NDRG2: variants seen among roughly 807,000 people sequenced by gnomAD.
The protein encoded by NDRG2 is NDRG family member 2.
A neutral mutation model predicts 58.2 loss-of-function variants in NDRG2; 34 were observed. The observed-to-expected ratio is 0.58, with a 90% CI of 0.44 to 0.78. The LOEUF is 0.78. NDRG2 is among the 30% of genes least tolerant of loss of function. The pLI, the probability that NDRG2 is intolerant of heterozygous loss-of-function variation, is 0.00. For synonymous variants in NDRG2, 187 were observed against 175.9 expected (o/e 1.06, Z -0.50); for missense variants, 434 against 471.2 (o/e 0.92, Z 0.73).
At chr14:21,043,074 G>T (rs369403152) in intron 1 of NDRG2, 1 of 1,614,202 alleles carries the variant, frequency 6.2e-7, no homozygotes, top group South Asian at 1.1e-5. Flanking sequence ...CCCAGTCAGT[G>T]CCAAGCCCAA....
At chr14:21,057,610 A>G (rs1011231163) in intron 1 of NDRG2, among the ~76,000 whole-genome samples, 3 of 51,208 alleles carry the variant, frequency 5.9e-5, no homozygotes, top group African/African-American at 8.3e-5. Flanking sequence ...CCTGAGCCTC[A>G]TTTTATTCAT....
Position 21,019,932 on chromosome 14 carries a change from A to G in NDRG2, c.600T>C (p.His200=). Residue 200 remains histidine, a synonymous_variant, in exon 9 of 16, where the codon CAT becomes CAC. Coordinates refer to ENST00000556147, the MANE Select transcript of NDRG2 (RefSeq NM_001320329.2). ...TSSIPEMILG[H]LFSQEELSGN... is the part of the protein sequence containing the mutation. ...TACACCCACTTACCTGGCTGAAAAG[A>G]TGTCCAAGGATCATCTCCGGAATGG... 1 of 1,614,106 alleles carries G rather than the reference A, an allele frequency of 6.2e-7. No individual in the cohort carries two copies. Among genetic ancestry groups the G allele is most frequent in the Non-Finnish European group, 8.5e-7 (1 of 1,180,028 alleles).
At chr14:21,022,024 C>T in intron 5 of NDRG2, 38 bp downstream of exon 5, 1 of 1,614,104 alleles carries the variant, frequency 6.2e-7, no homozygotes, top group Non-Finnish European at 8.5e-7. Flanking sequence ...TGTCCTGTTC[C>T]TCACAGTCTG....
At chr14:21,032,038 T>C (rs148921002) in intron 1 of NDRG2, 1 of 1,613,886 alleles carries the variant, frequency 6.2e-7, no homozygotes, top group African/African-American at 1.3e-5. Context: ...ATGTGAGTGG[T>C]TACAAGGGTT....
chr14:21,035,910 A>C (rs578238613), intron 1 of NDRG2: 32 of 445,660 alleles, frequency 7.2e-5, no homozygotes, highest in Non-Finnish European at 1.4e-4. Flanking sequence ...TTTTGAGTGA[A>C]ACAGACCAGG....
rs775595096 is a variant in NDRG2, at chr14:21,043,246, C to A, written c.25-19925G>T. 1.4e-5 allele frequency: 23 copies of A among 1,614,092 alleles called. No homozygotes were observed. The highest frequency in any genetic ancestry group is 1.6e-5 in the Non-Finnish European group (19 of 1,180,054). On this transcript the variant is annotated intron_variant, in intron 1 of 14. Coordinates refer to the NDRG2 transcript ENST00000403829. Reference sequence around the variant, plus strand: ...TCCAGTGTGGCCGCCACCTGCCAGACCCCCAAAATAGCCTGCAAGAATGGC... The same window carrying A: ...TCCAGTGTGGCCGCCACCTGCCAGAACCCCAAAATAGCCTGCAAGAATGGC...
At chr14:21,049,789 G>GATCT (rs1395471449) in intron 1 of NDRG2, among the ~76,000 whole-genome samples, 1 of 145,810 alleles carries the variant, frequency 6.9e-6, no homozygotes, top group Non-Finnish European at 1.5e-5. Context: ...TTTTGAGATA[G>GATCT]AGTCTTGCTC....
chr14:21,033,688 C>T, intron 1 of NDRG2: 1 of 703,908 alleles, frequency 1.4e-6, no homozygotes, highest in East Asian at 2.6e-5. Context: ...ATTTTCGCAC[C>T]CACCTGGTCT....
In NDRG2 at chr14:21,036,094, T is replaced by G. The variant is rs1191867688; in HGVS notation, c.25-12773A>C. The G allele has an allele frequency of 7.1e-6, 3 of 423,944 alleles. No individual in the cohort carries two copies. The East Asian group carries it at 2.1e-4, about 30-fold the overall frequency. The allele number at this position is 423,944 out of a possible 1,614,324, so 26.3% of individuals were successfully genotyped here. A position where few individuals can be genotyped will look rare whatever the true frequency, so the allele number is the denominator to read the frequency against. On this transcript the variant is annotated intron_variant, in intron 1 of 14. Coordinates refer to the NDRG2 transcript ENST00000403829. ...TTTTAGACCAGTGCCCGGCACATGG[T>G]GAGTCCTCAGTATGAGCCTGAGTCC... is the stretch of plus-strand genomic sequence containing the variant.
rs201065546 is a variant in NDRG2 at position 21,032,002 on chromosome 14, G to A, written c.25-8681C>T. The A allele has an allele frequency of 3.1e-6, 5 of 1,614,170 alleles. No individual in the cohort carries two copies. In the African/African-American group the frequency reaches 5.3e-5, roughly 17 times the overall value. ...GCAAGGGCAAGGGCATTGCGGGACGGGAAGAGATGACTGACAACACAGGCT... is the reference window on the plus strand; with the variant it reads ...GCAAGGGCAAGGGCATTGCGGGACGAGAAGAGATGACTGACAACACAGGCT... On this transcript the variant is annotated intron_variant, in intron 1 of 14. Coordinates refer to the NDRG2 transcript ENST00000403829.
Position 21,033,406 on chromosome 14 carries a change from C to G in NDRG2, c.25-10085G>C, listed in dbSNP as rs78311576. ...TTATAAGGGAACTGGGGGAGGCTGA[C>G]ATGAGAAGGCTGGTGGGGATGGGGA... is the stretch of plus-strand genomic sequence containing the variant. On this transcript the variant is annotated intron_variant, in intron 1 of 14. Coordinates refer to the NDRG2 transcript ENST00000403829. 8,102 of 274,412 alleles carry G rather than the reference C, an allele frequency of 0.03. 250 individuals are homozygous for G. Among genetic ancestry groups the G allele is most frequent in the East Asian group, 0.12 (1,256 of 10,214 alleles). 17.0% of individuals were successfully genotyped at this position (274,412 alleles called of 1,614,324 possible). A position where few individuals can be genotyped will look rare whatever the true frequency, so the allele number is the denominator to read the frequency against.
intron 1 of NDRG2, chr14:21,031,021 C>A (rs202091704): frequency 4.4e-6 from 7 of 1,608,264 alleles, no homozygotes; most frequent in Non-Finnish European, 5.9e-6. Flanking sequence ...GGGCCAAGAA[C>A]GCCCGAACCA....
Position 21,017,530 on chromosome 14 carries a change from A to T in NDRG2, c.*66T>A. On this transcript the variant is annotated 3_prime_UTR_variant, in exon 16 of 16. Transcript: ENST00000556147. ...GCTTACGGTGGCCCAATGCCCCTTC[A>T]GCACCTCCCAGGTTAGCTCTGGGGG... is the stretch of plus-strand genomic sequence containing the variant. The T allele has an allele frequency of 6.5e-7, 1 of 1,537,288 alleles. No homozygotes were observed. The highest frequency in any genetic ancestry group is 1.2e-5 in the South Asian group (1 of 81,010).
At chr14:21,022,934 A>C in intron 2 of NDRG2, 29 bp from the exon 3 acceptor site, 1 of 1,613,888 alleles carries the variant, frequency 6.2e-7, no homozygotes, top group Non-Finnish European at 8.5e-7. Flanking sequence ...ATTCACACAG[A>C]AACACATGAC....
intron 1 of NDRG2, among the ~76,000 whole-genome samples, chr14:21,054,312 T>A (rs150280322): frequency 6.9e-6 from 1 of 144,320 alleles, no homozygotes; most frequent in East Asian, 2.0e-4. Flanking sequence ...TGTTTTTAGA[T>A]AGATTGATCA....
chr14:21,070,742 G>C lies in NDRG2; in HGVS notation c.24+86C>G, dbSNP rs1240737301. The C allele has an allele frequency of 1.4e-6, 2 of 1,431,118 alleles. No homozygotes were observed. The highest frequency in any genetic ancestry group is 1.9e-6 in the Non-Finnish European group (2 of 1,054,428). 88.7% of individuals were successfully genotyped at this position (1,431,118 alleles called of 1,614,324 possible). A position where few individuals can be genotyped will look rare whatever the true frequency, so the allele number is the denominator to read the frequency against. On this transcript the variant is annotated intron_variant, in intron 1 of 14. Transcript: ENST00000403829. The surrounding 1 kb of genome is among the most constrained non-coding windows in gnomAD (Gnocchi z 4.7). ...GGAGCTTCCCTCCCCCTCCTGGTCC[G>C]AGCTCCTTACCCGCGGGAGACCCCT... is the stretch of plus-strand genomic sequence containing the variant.
At chr14:21,050,977 T>C (rs1175117020) in intron 1 of NDRG2, among the ~76,000 whole-genome samples, 2 of 152,232 alleles carry the variant, frequency 1.3e-5, no homozygotes, top group Non-Finnish European at 2.9e-5. Flanking sequence ...AAAAATTTAA[T>C]GTAACTCATT....
At chr14:21,026,505 C>A (rs1488734015), upstream of NDRG2, among the ~76,000 whole-genome samples, 2 of 150,656 alleles carry the variant, frequency 1.3e-5, no homozygotes, top group Admixed American at 1.3e-4. Context: ...GGGAACCACC[C>A]TCCCACCACC....
intron 1 of NDRG2, chr14:21,034,588 A>C: frequency 3.0e-6 from 1 of 333,448 alleles, no homozygotes; most frequent in Non-Finnish European, 5.5e-6. Flanking sequence ...GACTCTTCCC[A>C]AGAGTCCTTG....
Sources: gnomAD v4.1 joint callset for allele counts (sites outside exome capture counted in the v4.1 genomes callset) on GRCh38, gnomAD v4.1.1 for gene constraint, Gnocchi (gnomAD v3.1) non-coding constraint, MANE v1.5 for transcripts, NCBI Gene and HGNC (gene_info 2026-07-23, HGNC 2026-07-21) for gene names.